The following ITPR2 variants were observed in gnomAD, a reference collection of about 807,000 sequenced individuals.
The protein encoded by ITPR2 is inositol 1,4,5-trisphosphate receptor type 2.
ITPR2 carries 207 observed loss-of-function variants against 317.1 expected under a neutral mutation model. That is an observed-to-expected ratio of 0.65 (90% CI 0.58 to 0.73). The LOEUF (loss-of-function observed/expected upper bound fraction) is 0.73, where lower values mean the gene tolerates loss of function less well. Ranked by LOEUF, ITPR2 falls within the 30% of genes least tolerant of loss-of-function variation. The probability of loss-of-function intolerance (pLI) is 0.00; values close to 1 mark genes in which losing one functional copy is unlikely to be tolerated. For missense variants in ITPR2, 2,613 were observed against 3,284.0 expected (o/e 0.80, Z 4.99); for synonymous variants, 1,156 against 1,149.1 (o/e 1.01, Z -0.12).
chr12:26,804,305 C>A (rs940534576), intron 1 of ITPR2, among the ~76,000 whole-genome samples: 1 of 152,204 alleles, frequency 6.6e-6, no homozygotes, highest in African/African-American at 2.4e-5. Context: ...TACAATCCCT[C>A]TTTTAAGACA....
intron 21 of ITPR2, among the ~76,000 whole-genome samples, chr12:26,646,692 G>A (rs1947121950): frequency 6.6e-6 from 1 of 152,170 alleles, no homozygotes; most frequent in African/African-American, 2.4e-5. Flanking sequence ...CCAGGCTGTT[G>A]TGGTTGCCTG....
At chr12:26,549,402 T>A (rs969406820) in intron 37 of ITPR2, among the ~76,000 whole-genome samples, 1 of 152,166 alleles carries the variant, frequency 6.6e-6, no homozygotes, top group African/African-American at 2.4e-5. Context: ...GAATGCACTT[T>A]AAAAAACCCA....
intron 37 of ITPR2, among the ~76,000 whole-genome samples, chr12:26,515,340 G>C (rs1234145581): frequency 6.6e-6 from 1 of 152,108 alleles, no homozygotes; most frequent in East Asian, 1.9e-4. Context: ...TCTGGGGCAA[G>C]TGTGAACATT....
At position 26,580,043 on chromosome 12, in the gene ITPR2, T is replaced by C. The variant is rs1429437455; in HGVS notation, c.4493A>G (p.Asn1498Ser). The change falls in exon 33 of 57, where the codon AAT becomes AGT. Residue 1498 changes from asparagine to serine, a missense_variant. Asn to Ser is a conservative substitution (Grantham distance 46). Around this residue, in one of 9 missense-constraint regions of ITPR2, gnomAD observed 926 missense variants for 1,072.8 expected, o/e 0.86. Coordinates refer to ENST00000381340, the MANE Select transcript of ITPR2 (RefSeq NM_002223.4). ...SGFFNSPFSD[N>S]STSLQTHQPV... ...TTAACTTACCTGGAGGCTGGTACTA[T>C]TGTCTGAAAAGGGAGAATTAAAGAA... 5 of 1,612,168 alleles carry C rather than the reference T, an allele frequency of 3.1e-6. No individual in the cohort carries two copies. Among genetic ancestry groups the C allele is most frequent in the South Asian group, 2.2e-5 (2 of 90,848 alleles).
chr12:26,567,607 G>A (rs538760063), intron 34 of ITPR2, among the ~76,000 whole-genome samples: 1 of 152,014 alleles, frequency 6.6e-6, no homozygotes, highest in Non-Finnish European at 1.5e-5. Context: ...AAGATTTTTT[G>A]AGTCAAAATC....
intron 2 of ITPR2, among the ~76,000 whole-genome samples, chr12:26,788,485 TTC>T (rs1178910252): frequency 6.6e-5 from 10 of 152,330 alleles, no homozygotes; most frequent in Non-Finnish European, 1.5e-4. Flanking sequence ...TTTAGAATTT[TTC>T]TCTTTGTCTT....
chr12:26,784,096 A>C (rs1259485245), intron 2 of ITPR2, among the ~76,000 whole-genome samples: 2 of 151,776 alleles, frequency 1.3e-5, no homozygotes, highest in Non-Finnish European at 2.9e-5. Context: ...AGTCAGTAGT[A>C]ATGTACAAAT....
At chr12:26,508,657 T>G (rs1943250627) in intron 37 of ITPR2, among the ~76,000 whole-genome samples, 1 of 152,140 alleles carries the variant, frequency 6.6e-6, no homozygotes, top group Non-Finnish European at 1.5e-5. Flanking sequence ...TTCTCTCCTT[T>G]TAAAAAAAGT....
Position 26,832,743 on chromosome 12 carries a change from G to A in ITPR2, c.39C>T (p.Asp13=). ...AGCCCTCCGCGTACAGGGACACGATGTCCCCTATGTAGAGGAAGCTGGACA... is the reference window on the plus strand; with the variant it reads ...AGCCCTCCGCGTACAGGGACACGATATCCCCTATGTAGAGGAAGCTGGACA... ...EKMSSFLYIG[D]IVSLYAEGSV... The change falls in exon 1 of 57, where the codon GAC becomes GAT. Residue 13 remains aspartate (D), a synonymous_variant. Coordinates refer to ENST00000381340, the MANE Select transcript of ITPR2 (RefSeq NM_002223.4). The A allele has an allele frequency of 6.2e-7, 1 of 1,602,092 alleles. No homozygotes were observed. The highest frequency in any genetic ancestry group is 8.5e-7 in the Non-Finnish European group (1 of 1,175,088).
At chr12:26,503,608 T>C (rs1943121620) in intron 37 of ITPR2, among the ~76,000 whole-genome samples, 1 of 152,160 alleles carries the variant, frequency 6.6e-6, no homozygotes, top group African/African-American at 2.4e-5. Context: ...TTGGTTTGAG[T>C]CTGGGTTCTT....
intron 37 of ITPR2, among the ~76,000 whole-genome samples, chr12:26,526,174 A>G (rs575366525): frequency 6.6e-6 from 1 of 152,360 alleles, no homozygotes; most frequent in South Asian, 2.1e-4. Context: ...ACTCATGGAA[A>G]TAAGAAAAAA....
At position 26,711,880 on chromosome 12, in the gene ITPR2, C is replaced by T. The variant is rs535468811; in HGVS notation, c.856-612G>A. ...GTAGATTGGAAGAGAGAATCACAAA[C>T]GTCAAGGCCTAAGGTCTAAACTACT... On this transcript the variant is annotated intron_variant, in intron 8 of 56. Coordinates refer to ENST00000381340, the MANE Select transcript of ITPR2 (RefSeq NM_002223.4). Among the ~76,000 whole-genome samples the T allele has an allele frequency of 1.6e-4, 24 of 152,274 alleles. No individual in the cohort carries two copies. In the South Asian group the frequency reaches 5.0e-3, roughly 32 times the overall value.
At chr12:26,633,192 T>C (rs1392132003) in intron 21 of ITPR2, among the ~76,000 whole-genome samples, 3 of 149,006 alleles carry the variant, frequency 2.0e-5, no homozygotes, top group Non-Finnish European at 4.4e-5. Flanking sequence ...ACCATGGTAA[T>C]ACCTACAGGA....
At chr12:26,784,028 T>G (rs1485633665) in intron 2 of ITPR2, among the ~76,000 whole-genome samples, 10 of 76,480 alleles carry the variant, frequency 1.3e-4, no homozygotes. Flanking sequence ...AAGTCTGGAA[T>G]GCAGTCAAAA....
chr12:26,533,934 A>G (rs1410935880), intron 37 of ITPR2, among the ~76,000 whole-genome samples: 1 of 152,214 alleles, frequency 6.6e-6, no homozygotes, highest in Non-Finnish European at 1.5e-5. Flanking sequence ...GTCTTCCCAC[A>G]GAAGATGATA....
intron 37 of ITPR2, among the ~76,000 whole-genome samples, chr12:26,514,531 A>C (rs1369338338): frequency 2.6e-5 from 4 of 152,178 alleles, no homozygotes; most frequent in African/African-American, 9.7e-5. Context: ...GGCACGTGCT[A>C]TTTCCAACTC....
At chr12:26,492,620 A>G (rs1188346214) in intron 39 of ITPR2, among the ~76,000 whole-genome samples, 1 of 152,202 alleles carries the variant, frequency 6.6e-6, no homozygotes, top group Non-Finnish European at 1.5e-5. Flanking sequence ...ATTTTTAAAA[A>G]TCATTCATCC....
At chr12:26,414,322 A>C (rs953140913) in intron 51 of ITPR2, among the ~76,000 whole-genome samples, 4 of 152,194 alleles carry the variant, frequency 2.6e-5, no homozygotes, top group African/African-American at 9.6e-5. Flanking sequence ...CCATAATCTA[A>C]GTACTACCAT....
intron 55 of ITPR2, among the ~76,000 whole-genome samples, chr12:26,385,265 C>G (rs1939633186): frequency 1.3e-5 from 2 of 152,184 alleles, no homozygotes; most frequent in Non-Finnish European, 2.9e-5. Flanking sequence ...CCTCCAGTCT[C>G]ACCTCAAAAT....
Sources: gnomAD v4.1 joint callset for allele counts (sites outside exome capture counted in the v4.1 genomes callset) on GRCh38, gnomAD v4.1.1 for gene constraint, gnomAD v4.1.1 regional missense constraint, MANE v1.5 for transcripts, NCBI Gene and HGNC (gene_info 2026-07-23, HGNC 2026-07-21) for gene names.